The following NECAB3 variants were observed in gnomAD, a reference collection of about 807,000 sequenced individuals.
NECAB3 encodes N-terminal EF-hand calcium binding protein 3, also known as N-terminal EF-hand calcium-binding protein 3.
NECAB3 carries 38 observed loss-of-function variants against 57.2 expected under a neutral mutation model. The observed-to-expected ratio is 0.66, with a 90% CI of 0.51 to 0.87. The LOEUF (loss-of-function observed/expected upper bound fraction) is 0.87, where lower values mean the gene tolerates loss of function less well. NECAB3 is among the 40% of genes least tolerant of loss of function. The pLI, the probability that NECAB3 is intolerant of heterozygous loss-of-function variation, is 0.00. For missense variants in NECAB3, 474 were observed against 527.5 expected (o/e 0.90, Z 0.99); for synonymous variants, 223 against 222.6 (o/e 1.00, Z -0.02).
At chr20:33,668,996 G>A (rs1384851162) in intron 5 of NECAB3, 5 of 249,184 alleles carry the variant, frequency 2.0e-5, no homozygotes, top group South Asian at 1.0e-4. Flanking sequence ...AGCCTTCCAC[G>A]CCTAGCCCAG....
intron 5 of NECAB3, chr20:33,665,632 T>C (rs758513659): frequency 3.9e-5 from 6 of 152,280 alleles, no homozygotes; most frequent in Non-Finnish European, 8.8e-5. Context: ...CTGAGTCTTC[T>C]ACCTGCAACC....
chr20:33,660,929 C>T lies in NECAB3; in HGVS notation c.388-534G>A, dbSNP rs780187650. On this transcript the variant is annotated intron_variant, in intron 5 of 11. Transcript: ENST00000246190. This position sits in a 1 kb window ranked among gnomAD's most constrained non-coding sequence, Gnocchi z 4.1. ...GCCATTCTCACTCAGACACACACGC[C>T]GGCACTGACCCCAACCGACACTGCC... Among the ~76,000 whole-genome samples, 15 of 152,238 alleles carry T rather than the reference C, an allele frequency of 9.9e-5. 1 individual carries two copies. The East Asian group carries it at 2.1e-3, about 22-fold the overall frequency.
chr20:33,667,717 C>T (rs2017715687), intron 5 of NECAB3: 7 of 1,612,216 alleles, frequency 4.3e-6, no homozygotes, highest in Non-Finnish European at 5.1e-6. Context: ...GGCCCTGCCC[C>T]GCAAGGCCAT....
At chr20:33,667,978 G>A (rs1274667444) in intron 5 of NECAB3, 203 of 1,549,036 alleles carry the variant, frequency 1.3e-4, no homozygotes, top group Non-Finnish European at 1.7e-4. Context: ...ACGCCTGGCA[G>A]ACACCGTGGT....
At chr20:33,668,248 T>TGG in intron 5 of NECAB3, 1 of 1,552,094 alleles carries the variant, frequency 6.4e-7, no homozygotes. Flanking sequence ...CAGGCTGGAC[T>TGG]GGGGGGGGTG....
intron 5 of NECAB3, among the ~76,000 whole-genome samples, chr20:33,661,708 C>T (rs530302361): frequency 1.1e-4 from 16 of 152,168 alleles, no homozygotes; most frequent in African/African-American, 3.4e-4. Context: ...TGGAGTGAAG[C>T]GGCATGATCT....
chr20:33,657,529 C>T lies in NECAB3; in HGVS notation c.*300G>A. On this transcript the variant is annotated 3_prime_UTR_variant, in exon 12 of 12. Coordinates refer to ENST00000246190, the MANE Select transcript of NECAB3 (RefSeq NM_031232.4). ...AGGCCCACCCAGACAGGGACGGGAC[C>T]TGCCCTGGGTCGCTCAGCCAGGCAG... 2.7e-6 allele frequency: 1 copy of T among 366,422 alleles called. No individual in the cohort carries two copies. The highest frequency in any genetic ancestry group is 4.6e-6 in the Non-Finnish European group (1 of 217,766). 22.7% of individuals were successfully genotyped at this position (366,422 alleles called of 1,614,324 possible). A position where few individuals can be genotyped will look rare whatever the true frequency, so the allele number is the denominator to read the frequency against.
In NECAB3 at chr20:33,660,558, G is replaced by T. The variant is rs2017439960; in HGVS notation, c.388-163C>A. ...GTACTGAGACCTGATGGGCAGGGAG[G>T]GTCTGGATCCCTCCTTGTCCGGGAC... is the stretch of plus-strand genomic sequence containing the variant. On this transcript the variant is annotated intron_variant, in intron 5 of 11. Coordinates refer to ENST00000246190, the MANE Select transcript of NECAB3 (RefSeq NM_031232.4). This position sits in a 1 kb window ranked among gnomAD's most constrained non-coding sequence, Gnocchi z 4.1. Among the ~76,000 whole-genome samples, 1 of 152,184 alleles carries T rather than the reference G, an allele frequency of 6.6e-6. No individual in the cohort carries two copies. The highest frequency in any genetic ancestry group is 2.4e-5 in the African/African-American group (1 of 41,448).
At chr20:33,662,051 T>TA in intron 5 of NECAB3, 1 of 304,622 alleles carries the variant, frequency 3.3e-6, no homozygotes, top group Non-Finnish European at 6.2e-6. Flanking sequence ...TAAGGTCACA[T>TA]AGCAAGTTAG....
chr20:33,663,484 C>T, intron 5 of NECAB3: 1 of 1,559,732 alleles, frequency 6.4e-7, no homozygotes, highest in South Asian at 1.1e-5. Context: ...GGGTCGTGGG[C>T]TCGGCCCTAG....
At chr20:33,667,380 G>A in intron 5 of NECAB3, 1 of 1,279,370 alleles carries the variant, frequency 7.8e-7, no homozygotes, top group Non-Finnish European at 1.0e-6. Flanking sequence ...TGGGCGGCCT[G>A]CGGGTGTGCC....
At chr20:33,667,360 C>T (rs2017689399) in intron 5 of NECAB3, 3 of 1,146,564 alleles carry the variant, frequency 2.6e-6, no homozygotes, top group East Asian at 6.4e-5. Context: ...GCTGTGGGAG[C>T]GCCTGCTGGT....
chr20:33,662,029 G>A, intron 5 of NECAB3: 1 of 241,892 alleles, frequency 4.1e-6, no homozygotes. Context: ...CAGAGAGGTT[G>A]ATTACCTGGG....
At chr20:33,663,714 G>A (rs769325464) in intron 5 of NECAB3, 191 of 1,528,022 alleles carry the variant, frequency 1.2e-4, no homozygotes, top group East Asian at 1.7e-4. Flanking sequence ...GGCGGCAAGA[G>A]GCGCGGCGGC....
At chr20:33,672,366 C>T in intron 2 of NECAB3, 32 bp downstream of exon 2, 2 of 1,613,880 alleles carry the variant, frequency 1.2e-6, no homozygotes, top group Non-Finnish European at 1.7e-6. Flanking sequence ...CCACCCTGCC[C>T]CACTGTGGGA....
At position 33,660,324 on chromosome 20, in the gene NECAB3, C is replaced by T. The variant is rs369335218; in HGVS notation, c.459G>A (p.Leu153=). ...CCTCCAGCGAGCTCTGAAGGGCTTG[C>T]AGCTGGCTCACCGTCTCCCGCAGCA... ...RFLLRETVSQ[L]QALQSSLEGA... The change falls in exon 6 of 12, where the codon CTG becomes CTA. Residue 153 remains leucine (L), a synonymous_variant. Coordinates refer to ENST00000246190, the MANE Select transcript of NECAB3 (RefSeq NM_031232.4). This position sits in a 1 kb window ranked among gnomAD's most constrained non-coding sequence, Gnocchi z 4.1. The T allele has an allele frequency of 6.8e-5, 110 of 1,613,448 alleles. No individual in the cohort carries two copies. In the African/African-American group the frequency reaches 1.2e-3, roughly 18 times the overall value.
chr20:33,667,923 G>A (rs758701084), intron 5 of NECAB3: 22 of 1,564,620 alleles, frequency 1.4e-5, no homozygotes, highest in Admixed American at 3.8e-5. Flanking sequence ...GGCTGCCCGC[G>A]CTGGCCTTCC....
chr20:33,667,295 C>G, intron 5 of NECAB3: 1 of 600,658 alleles, frequency 1.7e-6, no homozygotes, highest in Non-Finnish European at 2.5e-6. Context: ...GGCGGCGTGG[C>G]GCGGGCGCAC....
chr20:33,658,975 C>A, intron 8 of NECAB3, 141 bp from the exon 9 acceptor site: 1 of 640,616 alleles, frequency 1.6e-6, no homozygotes, highest in Non-Finnish European at 2.8e-6. Flanking sequence ...GGCTGGAGTG[C>A]AGTGGTGTGT....
Sources: allele counts gnomAD v4.1 joint callset (sites outside exome capture counted in the v4.1 genomes callset), GRCh38; gene constraint gnomAD v4.1.1; non-coding constraint Gnocchi (gnomAD v3.1); transcripts MANE v1.5; gene names NCBI Gene and HGNC (gene_info 2026-07-23, HGNC 2026-07-21).